WDFY3: variants seen among roughly 807,000 people sequenced by gnomAD.
WDFY3 encodes the protein WD repeat and FYVE domain containing 3, also known as WD repeat and FYVE domain-containing protein 3.
In WDFY3, 66 loss-of-function variants were observed where a neutral mutation model predicts 409.6. The ratio of observed to expected loss-of-function variants is 0.16; its 90% CI spans 0.13 to 0.20. The LOEUF is 0.20. Among genes scored for constraint, WDFY3 ranks in the 10% least tolerant of loss-of-function variants. The pLI, the probability that WDFY3 is intolerant of heterozygous loss-of-function variation, is 1.00. For synonymous variants in WDFY3, 1,521 were observed against 1,537.1 expected, an observed-to-expected ratio of 0.99 and a Z score of 0.25; for missense variants, 3,031 against 4,298.1, an observed-to-expected ratio of 0.71 and a Z score of 8.24.
chr4:84,712,690 G>A (rs142546803), intron 51 of WDFY3, among the ~76,000 whole-genome samples: 2 of 152,008 alleles, frequency 1.3e-5, no homozygotes, highest in African/African-American at 4.8e-5. Context: ...ACTCCAGCCT[G>A]GGTGACAGAG....
Position 84,713,173 on chromosome 4 carries a change from C to T in WDFY3, c.8028G>A (p.Thr2676=), listed in dbSNP as rs150169644. 2,007 of 1,614,150 alleles carry T rather than the reference C, an allele frequency of 1.2e-3. 21 individuals are homozygous for T. The African/African-American group carries it at 0.021, about 17-fold the overall frequency. Reference sequence around the variant, plus strand: ...AAACCACCTACCCCTGCTCCACACTCGTGTTTGGTCGTTGCCCAGATACAG... The same window carrying T: ...AAACCACCTACCCCTGCTCCACACTTGTGTTTGGTCGTTGCCCAGATACAG... ...SESVSGQRPN[T]SVEQGSGLLS... Residue 2676 remains threonine, a synonymous_variant, in exon 51 of 68, where the codon ACG becomes ACA. Transcript: ENST00000295888.
intron 47 of WDFY3, 121 bp from the exon 48 acceptor site, chr4:84,718,691 G>T (rs779680160): frequency 3.3e-6 from 4 of 1,206,034 alleles, no homozygotes; most frequent in Non-Finnish European, 4.5e-6. Flanking sequence ...ATATTGAGAA[G>T]ATTAAGCTTA....
At chr4:84,963,919 A>G (rs191959674) in intron 1 of WDFY3, among the ~76,000 whole-genome samples, 1 of 152,338 alleles carries the variant, frequency 6.6e-6, no homozygotes, top group Admixed American at 6.5e-5. Flanking sequence ...TGAACTCTTA[A>G]TCACAAACAT....
intron 26 of WDFY3, 131 bp downstream of exon 26, chr4:84,779,977 A>G: frequency 1.9e-6 from 2 of 1,052,338 alleles, no homozygotes; most frequent in Non-Finnish European, 2.7e-6. Flanking sequence ...AGTTTTCATA[A>G]AACTACTGTC....
Position 84,735,031 on chromosome 4 carries a change from A to AT in WDFY3, c.6993+11dup, listed in dbSNP as rs775746885. 1.9e-5 allele frequency: 31 copies of AT among 1,605,254 alleles called. No individual in the cohort carries two copies. The African/African-American group carries it at 3.1e-4, about 16-fold the overall frequency. On this transcript the variant is annotated intron_variant, in intron 43 of 67. Transcript: ENST00000295888. ...TGTAAAACAAACCATTATGATGATT[A>AT]TAAGTCCTTACCTCCTGATATTCTT...
In WDFY3 at chr4:84,817,585, C is replaced by G; in HGVS notation, c.1694G>C (p.Gly565Ala). The change falls in exon 13 of 68, where the codon GGA becomes GCA. Residue 565 changes from glycine to alanine, a missense_variant and splice_region_variant. Transcript: ENST00000295888. ...TGCACCTCCAAATTCTCGAAAAATT[C>G]CTTGAAGGAAGGAGAAAAAGTCCAA... ...VLLQGSNTNA[G>A]IFREFGGARC... is the part of the protein sequence containing the mutation. The G allele has an allele frequency of 6.3e-7, 1 of 1,589,308 alleles. No individual in the cohort carries two copies. The highest frequency in any genetic ancestry group is 8.6e-7 in the Non-Finnish European group (1 of 1,166,374).
chr4:84,961,806 ATG>A (rs1423620881), intron 1 of WDFY3, among the ~76,000 whole-genome samples: 2 of 152,210 alleles, frequency 1.3e-5, no homozygotes, highest in Admixed American at 6.5e-5. Flanking sequence ...GCTGATAAAG[ATG>A]TAAAGCAACT....
chr4:84,914,876 C>T (rs1768271403), intron 2 of WDFY3, among the ~76,000 whole-genome samples: 1 of 152,062 alleles, frequency 6.6e-6, no homozygotes, highest in Admixed American at 6.6e-5. Context: ...ATTTTGTATG[C>T]CAATGTTCTT....
intron 50 of WDFY3, among the ~76,000 whole-genome samples, chr4:84,714,302 G>T (rs1016422556): frequency 6.6e-6 from 1 of 151,984 alleles, no homozygotes; most frequent in African/African-American, 2.4e-5. Flanking sequence ...TAGAGACAGG[G>T]TCTCACTATG....
At chr4:84,749,807 T>A (rs540525161) in intron 36 of WDFY3, among the ~76,000 whole-genome samples, 1 of 152,316 alleles carries the variant, frequency 6.6e-6, no homozygotes, top group South Asian at 2.1e-4. Context: ...CCCTGAACTG[T>A]ACTCCTACTC....
intron 3 of WDFY3, among the ~76,000 whole-genome samples, chr4:84,896,247 T>C (rs1169944202): frequency 6.6e-6 from 1 of 151,504 alleles, no homozygotes; most frequent in Non-Finnish European, 1.5e-5. Flanking sequence ...AGAGCGACAC[T>C]ACATCTCAAA....
At chr4:84,679,348 T>TA in intron 64 of WDFY3, 106 bp from the exon 65 acceptor site, 1 of 1,130,776 alleles carries the variant, frequency 8.8e-7, no homozygotes, top group Non-Finnish European at 1.2e-6. Context: ...TCTATAGACA[T>TA]AATATTTTAA....
chr4:84,729,240 A>T (rs979338556), intron 44 of WDFY3, among the ~76,000 whole-genome samples: 3 of 151,892 alleles, frequency 2.0e-5, no homozygotes, highest in East Asian at 1.9e-4. Context: ...ATTTTTTTTT[A>T]AATGGCAAAA....
At chr4:84,823,202 T>G (rs1052134125) in intron 10 of WDFY3, among the ~76,000 whole-genome samples, 4 of 152,164 alleles carry the variant, frequency 2.6e-5, no homozygotes, top group Non-Finnish European at 5.9e-5. Flanking sequence ...TGTAGTCATA[T>G]ATGATATTTT....
chr4:84,678,196 C>G lies in WDFY3; in HGVS notation c.10231G>C (p.Ala3411Pro). The change falls in exon 66 of 68, where the codon GCT becomes CCT. Residue 3411 changes from alanine (A) to proline (P), a missense_variant. This residue lies in a region of WDFY3 where 378 missense variants were observed against 477.3 expected (regional missense o/e 0.79). Transcript: ENST00000295888. ...AFDRKDNAHP[A>P]EVTALGISKD... ...GAGATGCCCAAGGCAGTGACCTCAG[C>G]TGGGTGTGCATTGTCCTTTCGATCA... 3 of 1,614,072 alleles carry G rather than the reference C, an allele frequency of 1.9e-6. No individual in the cohort carries two copies. Among genetic ancestry groups the G allele is most frequent in the Non-Finnish European group, 2.5e-6 (3 of 1,180,006 alleles).
chr4:84,954,997 G>C (rs1774060095), intron 1 of WDFY3, among the ~76,000 whole-genome samples: 2 of 152,172 alleles, frequency 1.3e-5, no homozygotes, highest in African/African-American at 2.4e-5. Flanking sequence ...TTGAGCTCAG[G>C]AGTTGAAGAC....
intron 42 of WDFY3, 75 bp downstream of exon 42, chr4:84,736,095 A>G (rs1578300642): frequency 1.4e-6 from 2 of 1,437,748 alleles, no homozygotes; most frequent in Middle Eastern, 1.8e-4. Flanking sequence ...TTCATTTCCA[A>G]TCAATTGCTT....
intron 26 of WDFY3, among the ~76,000 whole-genome samples, chr4:84,778,950 C>T (rs113651974): frequency 6.6e-6 from 1 of 152,022 alleles, no homozygotes; most frequent in Non-Finnish European, 1.5e-5. Flanking sequence ...TAGTTACCAA[C>T]GCGTGCATAA....
chr4:84,700,192 TACAA>T (rs1006640047), intron 56 of WDFY3, among the ~76,000 whole-genome samples: 3 of 152,144 alleles, frequency 2.0e-5, no homozygotes, highest in Admixed American at 6.6e-5. Flanking sequence ...AGGTTTTATA[TACAA>T]ACAGTGTTTT....
Sources: allele counts gnomAD v4.1 joint callset (sites outside exome capture counted in the v4.1 genomes callset), GRCh38; gene constraint gnomAD v4.1.1; regional missense constraint gnomAD v4.1.1; transcripts MANE v1.5; gene names NCBI Gene and HGNC (gene_info 2026-07-23, HGNC 2026-07-21).